CAMKMT: variants seen among roughly 807,000 people sequenced by gnomAD.
CAMKMT encodes the protein calmodulin-lysine N-methyltransferase, also known as CaM KMT.
Under a neutral mutation model 48.0 loss-of-function variants are expected in CAMKMT, and 53 were observed. The observed-to-expected ratio is 1.10, with a 90% CI of 0.89 to 1.39. The LOEUF (loss-of-function observed/expected upper bound fraction) is 1.39, where lower values mean the gene tolerates loss of function less well. CAMKMT is among the 40% of genes most tolerant of loss of function. The pLI is 0.00. For missense variants in CAMKMT, 428 were observed against 402.7 expected (o/e 1.06, Z -0.54); for synonymous variants, 165 against 152.3 (o/e 1.08, Z -0.61).
At chr2:44,554,439 T>TGCC (rs1667898687) in intron 3 of CAMKMT, among the ~76,000 whole-genome samples, 1 of 152,160 alleles carries the variant, frequency 6.6e-6, no homozygotes, top group South Asian at 2.1e-4. Context: ...CAGTACTTGA[T>TGCC]ACACAATAAA....
intron 3 of CAMKMT, among the ~76,000 whole-genome samples, chr2:44,405,847 T>C (rs1253201937): frequency 6.6e-6 from 1 of 152,200 alleles, no homozygotes; most frequent in Non-Finnish European, 1.5e-5. Context: ...ACTCTGATTC[T>C]ATTCCCAAAC....
intron 3 of CAMKMT, among the ~76,000 whole-genome samples, chr2:44,648,398 G>A (rs983012968): frequency 6.6e-6 from 1 of 151,988 alleles, no homozygotes; most frequent in East Asian, 1.9e-4. Context: ...TTCAAAAAAA[G>A]TACAAAAATT....
intron 3 of CAMKMT, among the ~76,000 whole-genome samples, chr2:44,404,412 C>T (rs766277114): frequency 3.2e-4 from 48 of 152,024 alleles, no homozygotes; most frequent in Middle Eastern, 6.8e-3. Flanking sequence ...AAAATACATA[C>T]GTGTTATTTT....
At chr2:44,734,232 C>T (rs1216432887) in intron 7 of CAMKMT, among the ~76,000 whole-genome samples, 4 of 151,990 alleles carry the variant, frequency 2.6e-5, no homozygotes, top group Non-Finnish European at 5.9e-5. Context: ...TTCGTGGCAT[C>T]CCATAAATTT....
chr2:44,531,782 T>G (rs1026587238), intron 3 of CAMKMT, among the ~76,000 whole-genome samples: 2 of 152,170 alleles, frequency 1.3e-5, no homozygotes, highest in Non-Finnish European at 2.9e-5. Context: ...TGTATTTCCT[T>G]GGTTATATAC....
intron 3 of CAMKMT, among the ~76,000 whole-genome samples, chr2:44,593,147 A>G (rs887478066): frequency 2.0e-5 from 3 of 152,180 alleles, no homozygotes; most frequent in Non-Finnish European, 4.4e-5. Context: ...ATATTTATGT[A>G]GGGCAAATTT....
chr2:44,726,845 G>C (rs114620309), intron 7 of CAMKMT, among the ~76,000 whole-genome samples: 2,033 of 152,306 alleles, frequency 0.013, 17 homozygotes, highest in Non-Finnish European at 0.023. Flanking sequence ...TGGTTAGCCA[G>C]TTATCTCAGC....
At chr2:44,526,945 T>A (rs929950185) in intron 3 of CAMKMT, among the ~76,000 whole-genome samples, 1 of 152,064 alleles carries the variant, frequency 6.6e-6, no homozygotes, top group Admixed American at 6.6e-5. Flanking sequence ...GTTTTTAGTA[T>A]GTTCCTAAGG....
At chr2:44,465,456 G>A (rs1207275548) in intron 3 of CAMKMT, among the ~76,000 whole-genome samples, 1 of 151,838 alleles carries the variant, frequency 6.6e-6, no homozygotes, top group Non-Finnish European at 1.5e-5. Flanking sequence ...AAATTAGCTG[G>A]GTGGTGGCGC....
intron 2 of CAMKMT, among the ~76,000 whole-genome samples, chr2:44,380,884 G>A (rs867756306): frequency 1.2e-4 from 18 of 152,088 alleles, no homozygotes; most frequent in South Asian, 2.1e-4. Context: ...GCTTTCGGCC[G>A]GGCATGGTGG....
chr2:44,645,254 G>A (rs1406310289), intron 3 of CAMKMT, among the ~76,000 whole-genome samples: 2 of 152,218 alleles, frequency 1.3e-5, no homozygotes, highest in Non-Finnish European at 2.9e-5. Context: ...CCCTGCTCCT[G>A]CCTTCGTGGC....
intron 7 of CAMKMT, among the ~76,000 whole-genome samples, chr2:44,729,022 T>A (rs570739303): frequency 2.6e-4 from 40 of 151,070 alleles, no homozygotes; most frequent in African/African-American, 9.0e-4. Flanking sequence ...TTTTGTTTTT[T>A]TAAAAAAAAA....
At chr2:44,587,170 A>C (rs1669902876) in intron 3 of CAMKMT, among the ~76,000 whole-genome samples, 1 of 152,214 alleles carries the variant, frequency 6.6e-6, no homozygotes, top group South Asian at 2.1e-4. Context: ...CTTTATTCTG[A>C]ATACAAGTCC....
At chr2:44,385,243 G>A (rs1333471236) in intron 2 of CAMKMT, among the ~76,000 whole-genome samples, 2 of 150,824 alleles carry the variant, frequency 1.3e-5, no homozygotes, top group African/African-American at 4.9e-5. Flanking sequence ...TTTTGCAGCT[G>A]TTGCAAAAAG....
chr2:44,625,279 C>T (rs984061087), intron 3 of CAMKMT, among the ~76,000 whole-genome samples: 1 of 152,008 alleles, frequency 6.6e-6, no homozygotes, highest in African/African-American at 2.4e-5. Flanking sequence ...TGTTTATTGA[C>T]CATTTGTATA....
intron 3 of CAMKMT, among the ~76,000 whole-genome samples, chr2:44,423,245 T>A (rs1684051629): frequency 6.6e-6 from 1 of 152,126 alleles, no homozygotes; most frequent in Admixed American, 6.5e-5. Flanking sequence ...AATGGTGCGA[T>A]CTCGGCTCAC....
intron 3 of CAMKMT, among the ~76,000 whole-genome samples, chr2:44,444,993 G>C (rs1666894497): frequency 6.6e-6 from 1 of 152,118 alleles, no homozygotes; most frequent in African/African-American, 2.4e-5. Context: ...AAGAAAACTG[G>C]ATCTAAGGGA....
intron 3 of CAMKMT, among the ~76,000 whole-genome samples, chr2:44,674,441 C>A (rs181228218): frequency 3.9e-5 from 6 of 152,036 alleles, no homozygotes; most frequent in Admixed American, 3.3e-4. Flanking sequence ...AGCTGGGGTT[C>A]GAAAAATGTT....
intron 3 of CAMKMT, among the ~76,000 whole-genome samples, chr2:44,595,562 C>T (rs1483166885): frequency 1.3e-5 from 2 of 152,140 alleles, no homozygotes; most frequent in Non-Finnish European, 2.9e-5. Context: ...TGAAAATGAC[C>T]ATACTGCCCA....
Sources: allele counts gnomAD v4.1 joint callset (sites outside exome capture counted in the v4.1 genomes callset), GRCh38; gene constraint gnomAD v4.1.1; transcripts MANE v1.5; gene names NCBI Gene and HGNC (gene_info 2026-07-23, HGNC 2026-07-21).